Variants in NRXN1 observed in about 807,000 individuals in gnomAD.
The protein encoded by NRXN1 is neurexin 1.
A neutral mutation model predicts 150.9 loss-of-function variants in NRXN1; 39 were observed. That is an observed-to-expected ratio of 0.26 (90% CI 0.20 to 0.34). The LOEUF is 0.34. NRXN1 is among the 10% of genes least tolerant of loss of function. NRXN1 has a pLI of 1.00. For synonymous variants in NRXN1, 924 were observed against 757.0 expected (o/e 1.22, Z -3.62); for missense variants, 1,815 against 1,949.9 (o/e 0.93, Z 1.30).
intron 18 of NRXN1, among the ~76,000 whole-genome samples, chr2:50,107,539 A>ATTTT (rs1230095218): frequency 1.6e-4 from 21 of 129,876 alleles, no homozygotes; most frequent in African/African-American, 5.9e-4. Context: ...ATATATATAT[A>ATTTT]TTTTTTTTTT....
intron 5 of NRXN1, among the ~76,000 whole-genome samples, chr2:50,871,581 C>A (rs1439379195): frequency 2.6e-5 from 4 of 151,824 alleles, no homozygotes; most frequent in Non-Finnish European, 5.9e-5. Flanking sequence ...ATTGTTAGAT[C>A]TAGATATGTT....
chr2:50,727,440 A>G (rs974720251), intron 5 of NRXN1, among the ~76,000 whole-genome samples: 2 of 55,248 alleles, frequency 3.6e-5, no homozygotes, highest in Non-Finnish European at 6.2e-5. Context: ...TATAAAATGC[A>G]TCATTACACA....
At chr2:50,460,187 A>G (rs912958909) in intron 17 of NRXN1, among the ~76,000 whole-genome samples, 5 of 152,208 alleles carry the variant, frequency 3.3e-5, no homozygotes, top group African/African-American at 4.8e-5. Flanking sequence ...ATATTTACCT[A>G]TAAGATCGAT....
intron 2 of NRXN1, among the ~76,000 whole-genome samples, chr2:51,018,740 A>C (rs748303678): frequency 4.6e-5 from 7 of 152,064 alleles, no homozygotes; most frequent in Non-Finnish European, 1.0e-4. Flanking sequence ...ATTTTCAATA[A>C]TTTTATCATC....
Position 50,186,049 on chromosome 2 carries a change from C to T in NRXN1, c.3546+50740G>A, listed in dbSNP as rs185929257. Among the ~76,000 whole-genome samples the T allele has an allele frequency of 2.6e-5, 4 of 152,104 alleles. No homozygotes were observed. The East Asian group carries it at 5.8e-4, about 22-fold the overall frequency. On this transcript the variant is annotated intron_variant, in intron 18 of 22. Transcript: ENST00000401669. ...TTTATAAAACCACACAATACTAGTACAATTGATGGAAAAACTCATAAACTA... is the reference window on the plus strand; with the variant it reads ...TTTATAAAACCACACAATACTAGTATAATTGATGGAAAAACTCATAAACTA...
chr2:50,312,844 T>C (rs2152965738), intron 17 of NRXN1: 1 of 470,488 alleles, frequency 2.1e-6, no homozygotes, highest in Non-Finnish European at 4.3e-6. Context: ...TTCCTGATCA[T>C]ATAATTTTAA....
chr2:50,833,953 A>G (rs555217967), intron 5 of NRXN1, among the ~76,000 whole-genome samples: 1 of 152,346 alleles, frequency 6.6e-6, no homozygotes, highest in Admixed American at 6.5e-5. Flanking sequence ...ATACTCCAGT[A>G]TGCCTATAAA....
At chr2:50,465,635 A>G (rs1384729971) in intron 16 of NRXN1, 74 bp from the exon 17 acceptor site, 20 of 1,463,402 alleles carry the variant, frequency 1.4e-5, no homozygotes, top group Non-Finnish European at 1.8e-5. Context: ...GCTAGATCAC[A>G]TGTAGTAGTT....
At chr2:50,292,708 G>A (rs1034269152) in intron 17 of NRXN1, among the ~76,000 whole-genome samples, 3 of 152,234 alleles carry the variant, frequency 2.0e-5, no homozygotes, top group South Asian at 2.1e-4. Context: ...CTCTTCAAAG[G>A]AGTAACTTTG....
At chr2:50,078,185 G>A (rs555294961) in intron 19 of NRXN1, among the ~76,000 whole-genome samples, 1 of 152,060 alleles carries the variant, frequency 6.6e-6, no homozygotes, top group African/African-American at 2.4e-5. Flanking sequence ...GAAAAATTAG[G>A]TTGCTATTCT....
At chr2:50,062,033 G>C (rs1473443341) in intron 19 of NRXN1, among the ~76,000 whole-genome samples, 1 of 152,106 alleles carries the variant, frequency 6.6e-6, no homozygotes, top group East Asian at 1.9e-4. Flanking sequence ...TCATTGTAAG[G>C]TATTAAATAT....
At chr2:50,985,370 T>C (rs1383934778) in intron 2 of NRXN1, 1 of 151,824 alleles carries the variant, frequency 6.6e-6, no homozygotes, top group East Asian at 1.9e-4. Context: ...GGAATAAAAA[T>C]TACCTATATT....
chr2:50,242,229 T>A (rs1053227542), intron 17 of NRXN1, among the ~76,000 whole-genome samples: 1 of 151,792 alleles, frequency 6.6e-6, no homozygotes, highest in Non-Finnish European at 1.5e-5. Context: ...TACAACCTTT[T>A]CCAGATGCTG....
chr2:51,018,177 T>C lies in NRXN1; in HGVS notation c.772+9325A>G, dbSNP rs145504767. On this transcript the variant is annotated intron_variant, in intron 2 of 22. Transcript: ENST00000401669. The stretch of plus-strand genomic sequence containing the variant: ...TGGATTAGAACCCACACAGAATTCA[T>C]TATGTCTATAATTAAATGAAGAAAG... Among the ~76,000 whole-genome samples, 515 of 152,180 alleles carry C rather than the reference T, an allele frequency of 3.4e-3. 3 individuals are homozygous for C. Among genetic ancestry groups the C allele is most frequent in the African/African-American group, 0.012 (483 of 41,548 alleles).
At position 50,801,364 on chromosome 2, in the gene NRXN1, G is replaced by T. The variant is rs1301518441; in HGVS notation, c.832+120505C>A. ...TTATATCTGATGATTATGTCAATCT[G>T]CAATATGTATTGTGAATCACTTTAT... is the stretch of plus-strand genomic sequence containing the variant. On this transcript the variant is annotated intron_variant, in intron 5 of 22. Transcript: ENST00000401669. Among the ~76,000 whole-genome samples the T allele has an allele frequency of 2.6e-5, 4 of 152,074 alleles. 1 individual carries two copies. The highest frequency in any genetic ancestry group is 5.9e-5 in the Non-Finnish European group (4 of 68,008).
chr2:50,736,133 G>A (rs946083924), intron 5 of NRXN1, among the ~76,000 whole-genome samples: 14 of 152,140 alleles, frequency 9.2e-5, no homozygotes, highest in Non-Finnish European at 1.8e-4. Context: ...CCGTATTTCA[G>A]CTACTATGGA....
At chr2:49,929,284 A>AAGAC (rs2104150739) in intron 22 of NRXN1, among the ~76,000 whole-genome samples, 1 of 152,320 alleles carries the variant, frequency 6.6e-6, no homozygotes, top group Non-Finnish European at 1.5e-5. Flanking sequence ...GGTGACACTG[A>AAGAC]AGACAAATAA....
intron 17 of NRXN1, among the ~76,000 whole-genome samples, chr2:50,410,798 A>G (rs899247755): frequency 2.0e-5 from 3 of 152,208 alleles, no homozygotes; most frequent in Non-Finnish European, 4.4e-5. Flanking sequence ...GATGTGCCTC[A>G]CCCACTTTGA....
At chr2:50,547,914 T>C (rs1284674780) in intron 9 of NRXN1, among the ~76,000 whole-genome samples, 1 of 152,144 alleles carries the variant, frequency 6.6e-6, no homozygotes, top group Non-Finnish European at 1.5e-5. Context: ...CTGTGGAAAT[T>C]AGAGTGAATT....
Sources: allele counts gnomAD v4.1 joint callset (sites outside exome capture counted in the v4.1 genomes callset), GRCh38; gene constraint gnomAD v4.1.1; transcripts MANE v1.5; gene names NCBI Gene and HGNC (gene_info 2026-07-23, HGNC 2026-07-21).